PRKN: variants seen among roughly 807,000 people sequenced by gnomAD.
PRKN encodes parkin RBR E3 ubiquitin protein ligase, also known as E3 ubiquitin-protein ligase parkin.
Under a neutral mutation model 59.5 loss-of-function variants are expected in PRKN, and 56 were observed. That is an observed-to-expected ratio of 0.94 (90% CI 0.76 to 1.18). The LOEUF (loss-of-function observed/expected upper bound fraction) is 1.18. Among genes scored for constraint, PRKN ranks in the 50% most tolerant of loss-of-function variants. The pLI, the probability that PRKN is intolerant of heterozygous loss-of-function variation, is 0.00. For synonymous variants in PRKN, 250 were observed against 222.1 expected, an observed-to-expected ratio of 1.13 and a Z score of -1.12; for missense variants, 657 against 596.4, an observed-to-expected ratio of 1.10 and a Z score of -1.06.
chr6:161,635,308 T>C (rs1053999515), intron 7 of PRKN, among the ~76,000 whole-genome samples: 3 of 152,186 alleles, frequency 2.0e-5, no homozygotes, highest in Non-Finnish European at 2.9e-5. Context: ...GAATCGCTTC[T>C]CTACATAACT....
intron 4 of PRKN, among the ~76,000 whole-genome samples, chr6:162,199,067 A>G (rs1784614030): frequency 6.6e-6 from 1 of 152,178 alleles, no homozygotes; most frequent in African/African-American, 2.4e-5. Flanking sequence ...CAACTGGCAG[A>G]AGCGACTTTT....
At chr6:162,657,596 A>C (rs1562474710) in intron 1 of PRKN, among the ~76,000 whole-genome samples, 1 of 152,224 alleles carries the variant, frequency 6.6e-6, no homozygotes, top group East Asian at 1.9e-4. Flanking sequence ...GGCATCCAAA[A>C]GTTGTTTTTG....
At chr6:162,101,244 T>C (rs577382668) in intron 4 of PRKN, among the ~76,000 whole-genome samples, 4 of 151,992 alleles carry the variant, frequency 2.6e-5, no homozygotes, top group Admixed American at 6.6e-5. Flanking sequence ...CACTTTGGGT[T>C]GATTTTTGTA....
Position 161,459,407 on chromosome 6 carries a change from G to T in PRKN, c.1084-72530C>A, listed in dbSNP as rs974590576. On this transcript the variant is annotated intron_variant, in intron 9 of 11. Transcript: ENST00000366898. This position sits in a 1 kb window ranked among gnomAD's most constrained non-coding sequence, Gnocchi z 4.8. ...TTAGTTTACTTTTGAGAAAGTCCAA[G>T]CTGTGCACATGTTGAAATAAATCAG... 6.6e-6 allele frequency among the ~76,000 whole-genome samples: 1 copy of T among 152,206 alleles called. No individual in the cohort carries two copies. Among genetic ancestry groups the T allele is most frequent in the African/African-American group, 2.4e-5 (1 of 41,452 alleles).
intron 4 of PRKN, among the ~76,000 whole-genome samples, chr6:162,110,423 A>G (rs1432793771): frequency 3.3e-5 from 5 of 152,232 alleles, no homozygotes; most frequent in Non-Finnish European, 1.5e-5. Flanking sequence ...TCAAAGACCA[A>G]TGTGGACATA....
chr6:161,891,060 C>T (rs998680012), intron 6 of PRKN, among the ~76,000 whole-genome samples: 4 of 152,180 alleles, frequency 2.6e-5, no homozygotes, highest in Admixed American at 6.5e-5. Flanking sequence ...TAACAATCAC[C>T]GCTGTAATAG....
chr6:162,479,268 C>T (rs529305206), intron 1 of PRKN, among the ~76,000 whole-genome samples: 39 of 151,748 alleles, frequency 2.6e-4, no homozygotes, highest in African/African-American at 5.8e-4. Flanking sequence ...CTCTGTTGCC[C>T]GGGTTGGAGT....
rs1330657681 is a variant in PRKN at position 162,588,398 on chromosome 6, A to AG, written c.7+139263_7+139264insC. Reference sequence around the variant, plus strand: ...GTAATATTCCTCACATTAACAAAAAAAAAAAGCAAACAATATTAAACTAGG... The same window carrying AG: ...GTAATATTCCTCACATTAACAAAAAAGAAAAAGCAAACAATATTAAACTAGG... On this transcript the variant is annotated intron_variant, in intron 1 of 11. Transcript: ENST00000366898. 2.6e-5 allele frequency among the ~76,000 whole-genome samples: 4 copies of AG among 151,906 alleles called. No homozygotes were observed. In the East Asian group the frequency reaches 7.7e-4, roughly 29 times the overall value.
chr6:161,516,582 C>G (rs1216882926), intron 9 of PRKN, among the ~76,000 whole-genome samples: 1 of 149,326 alleles, frequency 6.7e-6, no homozygotes, highest in African/African-American at 2.5e-5. Flanking sequence ...AATCTCAACA[C>G]TTTGGGAGGC....
rs556644242 is a variant in PRKN, at chr6:162,592,798, T to A, written c.7+134864A>T. ...CAAAAGAGTGGGACATAGAAAAGGA[T>A]CAACATTAATTTTAAAAATATACTT... On this transcript the variant is annotated intron_variant, in intron 1 of 11. Coordinates refer to ENST00000366898, the MANE Select transcript of PRKN (RefSeq NM_004562.3). 1.8e-4 allele frequency among the ~76,000 whole-genome samples: 26 copies of A among 143,898 alleles called. 1 individual carries two copies. Among genetic ancestry groups the A allele is most frequent in the African/African-American group, 6.5e-4 (26 of 40,168 alleles). 94.4% of individuals were successfully genotyped at this position (143,898 alleles called of 152,430 possible). A position where few individuals can be genotyped will look rare whatever the true frequency, so the allele number is the denominator to read the frequency against.
rs1435514729 is a variant in PRKN at position 161,457,180 on chromosome 6, A to G, written c.1084-70303T>C. 6.6e-6 allele frequency among the ~76,000 whole-genome samples: 1 copy of G among 152,226 alleles called. No individual in the cohort carries two copies. The highest frequency in any genetic ancestry group is 2.4e-5 in the African/African-American group (1 of 41,458). ...ACCCAGTTTTACCAAAGTTAAACCC[A>G]TGAGATTTTGTAATAAAGCCAAGGC... is the stretch of plus-strand genomic sequence containing the variant. On this transcript the variant is annotated intron_variant, in intron 9 of 11. Transcript: ENST00000366898. The surrounding 1 kb of genome is among the most constrained non-coding windows in gnomAD (Gnocchi z 5.0).
intron 1 of PRKN, among the ~76,000 whole-genome samples, chr6:162,516,026 C>T (rs995879671): frequency 1.3e-5 from 2 of 152,182 alleles, no homozygotes; most frequent in Non-Finnish European, 2.9e-5. Flanking sequence ...TTTCTTACCC[C>T]AGTAAGCTGC....
chr6:161,822,606 G>A (rs1792077410), intron 6 of PRKN, among the ~76,000 whole-genome samples: 1 of 152,190 alleles, frequency 6.6e-6, no homozygotes, highest in Non-Finnish European at 1.5e-5. Context: ...AACCTTGGAG[G>A]CAGAGGTTGC....
intron 4 of PRKN, among the ~76,000 whole-genome samples, chr6:162,075,574 G>A (rs142357346): frequency 0.011 from 1,734 of 151,962 alleles, 46 homozygotes; most frequent in African/African-American, 0.04. Context: ...TGTACTGCCC[G>A]TGAATATGTA....
chr6:162,526,756 C>T (rs77352428), intron 1 of PRKN, among the ~76,000 whole-genome samples: 3,735 of 152,204 alleles, frequency 0.025, 182 homozygotes, highest in African/African-American at 0.085. Context: ...TAACAACAGG[C>T]CCAGAGAGGC....
At chr6:162,425,082 C>T (rs1789168766) in intron 2 of PRKN, among the ~76,000 whole-genome samples, 2 of 151,638 alleles carry the variant, frequency 1.3e-5, no homozygotes, top group Admixed American at 1.3e-4. Context: ...AAAATCTACC[C>T]ATCAGAACAG....
At chr6:161,521,953 A>C (rs1778842030) in intron 9 of PRKN, among the ~76,000 whole-genome samples, 1 of 152,204 alleles carries the variant, frequency 6.6e-6, no homozygotes, top group Non-Finnish European at 1.5e-5. Context: ...GTAATCCATC[A>C]GAACAGAGAT....
rs915593771 is a variant in PRKN, at chr6:161,447,208, A to G, written c.1084-60331T>C. The stretch of plus-strand genomic sequence containing the variant: ...CCGAAAGCTGCTTTTTCACTCAGAG[A>G]ATGGGCTGCTGTTCATTGACCAGCT... On this transcript the variant is annotated intron_variant, in intron 9 of 11. Coordinates refer to ENST00000366898, the MANE Select transcript of PRKN (RefSeq NM_004562.3). This position sits in a 1 kb window ranked among gnomAD's most constrained non-coding sequence, Gnocchi z 4.1. Among the ~76,000 whole-genome samples the G allele has an allele frequency of 1.3e-5, 2 of 152,248 alleles. No individual in the cohort carries two copies. Among genetic ancestry groups the G allele is most frequent in the East Asian group, 3.9e-4 (2 of 5,168 alleles).
At chr6:161,671,236 T>C (rs1002668085) in intron 7 of PRKN, among the ~76,000 whole-genome samples, 1 of 152,108 alleles carries the variant, frequency 6.6e-6, no homozygotes, top group Admixed American at 6.5e-5. Flanking sequence ...TCTCTAAGAA[T>C]AGGCAGCAGT....
Sources: allele counts gnomAD v4.1 joint callset (sites outside exome capture counted in the v4.1 genomes callset), GRCh38; gene constraint gnomAD v4.1.1; non-coding constraint Gnocchi (gnomAD v3.1); transcripts MANE v1.5; gene names NCBI Gene and HGNC (gene_info 2026-07-23, HGNC 2026-07-21).